Variants in MORC3 observed in about 807,000 individuals in gnomAD.
MORC3 encodes MORC family CW-type zinc finger protein 3.
A neutral mutation model predicts 109.1 loss-of-function variants in MORC3; 31 were observed. The ratio of observed to expected loss-of-function variants is 0.28; its 90% CI spans 0.21 to 0.38. The LOEUF is 0.38. Among genes scored for constraint, MORC3 ranks in the 10% least tolerant of loss-of-function variants. The probability of loss-of-function intolerance (pLI) is 1.00; values close to 1 mark genes in which losing one functional copy is unlikely to be tolerated. For missense variants in MORC3, 867 were observed against 1,135.8 expected, an observed-to-expected ratio of 0.76 and a Z score of 3.40; for synonymous variants, 395 against 380.7, an observed-to-expected ratio of 1.04 and a Z score of -0.44.
intron 5 of MORC3, among the ~76,000 whole-genome samples, chr21:36,341,071 T>A (rs971825493): frequency 6.6e-6 from 1 of 152,220 alleles, no homozygotes; most frequent in South Asian, 2.1e-4. Flanking sequence ...TACACAGTTT[T>A]GTGGGAATAT....
chr21:36,338,869 G>A lies in MORC3; in HGVS notation c.556G>A (p.Asp186Asn), dbSNP rs1569093527. Residue 186 changes from aspartate to asparagine, a missense_variant, in exon 5 of 17, where the codon GAT (aspartate) becomes AAT (asparagine). Physicochemically the swap from Asp to Asn is conservative, Grantham distance 23. This residue lies in a region of MORC3 where 134 missense variants were observed against 166.6 expected (regional missense o/e 0.80). Coordinates refer to ENST00000400485, the MANE Select transcript of MORC3 (RefSeq NM_015358.3). ...STEQKLLAEL[D>N]AIIGKKGTRI... ...GGAACAGAAGTTACTGGCAGAACTTGATGCTATTATAGGCAAGAAGGGGAC... is the reference window on the plus strand; with the variant it reads ...GGAACAGAAGTTACTGGCAGAACTTAATGCTATTATAGGCAAGAAGGGGAC... 1 of 1,614,114 alleles carries A rather than the reference G, an allele frequency of 6.2e-7. No individual in the cohort carries two copies. The highest frequency in any genetic ancestry group is 2.2e-5 in the East Asian group (1 of 44,882).
intron 13 of MORC3, among the ~76,000 whole-genome samples, chr21:36,362,640 G>T (rs138530979): frequency 0.023 from 3,449 of 152,114 alleles, 59 homozygotes; most frequent in Admixed American, 0.045. Flanking sequence ...GCCTCCCAAA[G>T]TGCTAGGATT....
In MORC3 at chr21:36,356,600, TTTA is replaced by T. The variant is rs1170113095; in HGVS notation, c.1104-18_1104-16del. 1.3e-5 allele frequency: 20 copies of T among 1,529,082 alleles called. No homozygotes were observed. Among genetic ancestry groups the T allele is most frequent in the Admixed American group, 2.0e-5 (1 of 49,690 alleles). The allele number at this position is 1,529,082 out of a possible 1,614,324, so 94.7% of individuals were successfully genotyped here. ...TGTTTGAAAAGAATTTTTTCTTGAT[TTTA>T]TGATTTACTTTTTAAGACTTACAAT... is the stretch of plus-strand genomic sequence containing the variant. On this transcript the variant is annotated splice_polypyrimidine_tract_variant and intron_variant, in intron 9 of 16. Transcript: ENST00000400485.
Position 36,371,716 on chromosome 21 carries a change from CTT to C in MORC3, c.2509-657_2509-656del, listed in dbSNP as rs777467115. On this transcript the variant is annotated intron_variant, in intron 15 of 16. Transcript: ENST00000400485. ...AAAAAGCATAAACTCATTATTGTAA[CTT>C]AATTATAAGCTGATGAGTATGCAAG... Among the ~76,000 whole-genome samples, 20 of 151,938 alleles carry C rather than the reference CTT, an allele frequency of 1.3e-4. No individual in the cohort carries two copies. The East Asian group carries it at 3.1e-3, about 24-fold the overall frequency.
rs116006149 is a variant in MORC3 at position 36,375,765 on chromosome 21, C to G, written c.*469C>G. 1 of 152,832 alleles carries G rather than the reference C, an allele frequency of 6.5e-6. No individual in the cohort carries two copies. Among genetic ancestry groups the G allele is most frequent in the South Asian group, 2.1e-4 (1 of 4,820 alleles). 9.5% of individuals were successfully genotyped at this position (152,832 alleles called of 1,614,324 possible). A position where few individuals can be genotyped will look rare whatever the true frequency, so the allele number is the denominator to read the frequency against. On this transcript the variant is annotated 3_prime_UTR_variant, in exon 17 of 17. Transcript: ENST00000400485. ...GATTTTTAAATAATGTAGTAACACTCCTGATACAACTCTGGTTATAAGTGA... is the reference window on the plus strand; with the variant it reads ...GATTTTTAAATAATGTAGTAACACTGCTGATACAACTCTGGTTATAAGTGA...
intron 3 of MORC3, 135 bp from the exon 4 acceptor site, chr21:36,337,597 A>T: frequency 1.8e-6 from 1 of 550,376 alleles, no homozygotes; most frequent in Non-Finnish European, 2.9e-6. Flanking sequence ...AGGAAGGGTG[A>T]GGCCAGTATT....
intron 1 of MORC3, among the ~76,000 whole-genome samples, chr21:36,322,090 C>A (rs1358936638): frequency 6.6e-6 from 1 of 152,054 alleles, no homozygotes; most frequent in Admixed American, 6.6e-5. Flanking sequence ...GCTCATGGGC[C>A]AAATCCAGCC....
At chr21:36,326,232 T>C (rs2085246381) in intron 1 of MORC3, among the ~76,000 whole-genome samples, 1 of 151,242 alleles carries the variant, frequency 6.6e-6, no homozygotes, top group South Asian at 2.1e-4. Context: ...GAATAAATTA[T>C]TGTTAATTTG....
rs1251238684 is a variant in MORC3, at chr21:36,369,576, C to T, written c.2208C>T (p.Asp736=). Reference sequence around the variant, plus strand: ...AACAGAGGATACTAGAAATGAATGACAAGTATGTTAAGAAAGAAACTTGCC... The same window carrying T: ...AACAGAGGATACTAGAAATGAATGATAAGTATGTTAAGAAAGAAACTTGCC... The part of the protein sequence containing the change: ...VLQQRILEMN[D]KYVKKETCHQ... Residue 736 remains aspartate, a synonymous_variant, in exon 15 of 17, where the codon GAC becomes GAT. Transcript: ENST00000400485. 5.0e-6 allele frequency: 8 copies of T among 1,614,144 alleles called. No homozygotes were observed. Among genetic ancestry groups the T allele is most frequent in the Admixed American group, 1.7e-5 (1 of 59,994 alleles).
At chr21:36,349,161 A>G in intron 8 of MORC3, 150 bp from the exon 9 acceptor site, 1 of 628,044 alleles carries the variant, frequency 1.6e-6, no homozygotes, top group Non-Finnish European at 2.6e-6. Flanking sequence ...CTGTCTCAAA[A>G]AAATAAAAAC....
At chr21:36,356,264 G>A (rs542929043) in intron 9 of MORC3, among the ~76,000 whole-genome samples, 38 of 151,954 alleles carry the variant, frequency 2.5e-4, no homozygotes, top group Non-Finnish European at 4.3e-4. Context: ...AAATAGCTTT[G>A]TGTATATTTT....
intron 1 of MORC3, among the ~76,000 whole-genome samples, chr21:36,326,026 G>A (rs565227255): frequency 2.1e-4 from 32 of 152,208 alleles, no homozygotes; most frequent in African/African-American, 7.2e-4. Flanking sequence ...GGCCAACATG[G>A]TGAAACCCAG....
At chr21:36,349,265 C>T (rs771188781) in intron 8 of MORC3, 46 bp from the exon 9 acceptor site, 2 of 1,239,030 alleles carry the variant, frequency 1.6e-6, no homozygotes, top group Non-Finnish European at 2.3e-6. Context: ...TTATTTTGAG[C>T]ATCATGTCTT....
intron 8 of MORC3, among the ~76,000 whole-genome samples, chr21:36,347,024 AAAC>A (rs1271497620): frequency 1.3e-5 from 2 of 151,216 alleles, no homozygotes; most frequent in African/African-American, 4.9e-5. Context: ...AAAAAAAAAA[AAAC>A]AAAGAAATTG....
intron 7 of MORC3, 80 bp downstream of exon 7, chr21:36,344,787 G>C: frequency 6.3e-7 from 1 of 1,587,892 alleles, no homozygotes; most frequent in South Asian, 1.1e-5. Context: ...TATGCTGATA[G>C]GGATTCTAGT....
chr21:36,375,525 T>C lies in MORC3; in HGVS notation c.*229T>C, dbSNP rs989023633. The C allele has an allele frequency of 2.6e-6, 1 of 378,668 alleles. No individual in the cohort carries two copies. Among genetic ancestry groups the C allele is most frequent in the South Asian group, 3.6e-5 (1 of 27,692 alleles). 23.5% of individuals were successfully genotyped at this position (378,668 alleles called of 1,614,324 possible). A position where few individuals can be genotyped will look rare whatever the true frequency, so the allele number is the denominator to read the frequency against. ...AGCAGCTGAAGCTAACTCATGACTC[T>C]GTTTTGAATGTAAATATTTGTAATT... On this transcript the variant is annotated 3_prime_UTR_variant, in exon 17 of 17. Transcript: ENST00000400485.
chr21:36,326,284 G>C (rs2085247205), intron 1 of MORC3, among the ~76,000 whole-genome samples: 1 of 151,946 alleles, frequency 6.6e-6, no homozygotes, highest in Non-Finnish European at 1.5e-5. Context: ...AGCACTTTGG[G>C]AGGCTAAGGC....
chr21:36,348,047 T>TCAATTTATGAGTTACA (rs2085530520), intron 8 of MORC3: 1 of 152,224 alleles, frequency 6.6e-6, no homozygotes, highest in Admixed American at 6.5e-5. Context: ...ATAAAAATTT[T>TCAATTTATGAGTTACA]CATTTTATGA....
At chr21:36,360,140 T>C (rs2085696639) in intron 11 of MORC3, 44 bp from the exon 12 acceptor site, 3 of 1,613,856 alleles carry the variant, frequency 1.9e-6, no homozygotes, top group African/African-American at 2.7e-5. Context: ...AGTGTATGAA[T>C]AGGCGCTGGT....
Sources: allele counts gnomAD v4.1 joint callset (sites outside exome capture counted in the v4.1 genomes callset), GRCh38; gene constraint gnomAD v4.1.1; regional missense constraint gnomAD v4.1.1; transcripts MANE v1.5; gene names NCBI Gene and HGNC (gene_info 2026-07-23, HGNC 2026-07-21).